Variants in MYLK observed in about 807,000 individuals in gnomAD.
MYLK encodes myosin light chain kinase, smooth muscle.
MYLK carries 106 observed loss-of-function variants against 203.4 expected under a neutral mutation model. The observed-to-expected ratio is 0.52, with a 90% CI of 0.45 to 0.61. The LOEUF (loss-of-function observed/expected upper bound fraction) is 0.61. MYLK is among the 20% of genes least tolerant of loss of function. The pLI, the probability that MYLK is intolerant of heterozygous loss-of-function variation, is 0.00. For missense variants in MYLK, 2,072 were observed against 2,442.3 expected (o/e 0.85, Z 3.20); for synonymous variants, 867 against 959.5 (o/e 0.90, Z 1.78).
chr3:123,732,992 G>C lies in MYLK; in HGVS notation c.1420C>G (p.Leu474Val), dbSNP rs1413024663. Reference protein sequence around the residue: ...YEDAGSHYLCLLKARTRDSGT... With the variant: ...YEDAGSHYLCVLKARTRDSGT... ...CTGTCCCTGGTCCGGGCTTTCAGCA[G>C]GCAGAGGTAATGGGAGCCAGCATCT... Residue 474 changes from leucine (L) to valine (V), a missense_variant, in exon 11 of 34, where the codon CTG becomes GTG. Physicochemically the swap from Leu to Val is conservative, Grantham distance 32. Transcript: ENST00000360304. 3 of 1,614,234 alleles carry C rather than the reference G, an allele frequency of 1.9e-6. No homozygotes were observed. Among genetic ancestry groups the C allele is most frequent in the Non-Finnish European group, 1.7e-6 (2 of 1,180,044 alleles).
chr3:123,741,541 C>T lies in MYLK; in HGVS notation c.374-1540G>A, dbSNP rs537734464. 8.5e-5 allele frequency among the ~76,000 whole-genome samples: 13 copies of T among 152,344 alleles called. No homozygotes were observed. The South Asian group carries it at 2.7e-3, about 32-fold the overall frequency. ...CAAGATGCTGGGCCCTCAGATGCTG[C>T]TGGAGGCAGAGCCAACTGTCCAGTC... On this transcript the variant is annotated intron_variant, in intron 5 of 33. Transcript: ENST00000360304.
chr3:123,681,598 G>C (rs187128493), intron 20 of MYLK: 20 of 153,662 alleles, frequency 1.3e-4, no homozygotes, highest in African/African-American at 4.8e-4. Context: ...GCCAGAGAAG[G>C]CATGAAGGAA....
chr3:123,865,592 C>T (rs1424950891), intron 2 of MYLK, among the ~76,000 whole-genome samples: 4 of 152,226 alleles, frequency 2.6e-5, no homozygotes, highest in Non-Finnish European at 5.9e-5. Context: ...ACATGGCAGA[C>T]TCTGTCCTGA....
At chr3:123,728,154 T>C (rs2108766354) in intron 11 of MYLK, among the ~76,000 whole-genome samples, 1 of 152,278 alleles carries the variant, frequency 6.6e-6, no homozygotes, top group African/African-American at 2.4e-5. Context: ...AGCAACGGTT[T>C]CAGAATGCCA....
intron 27 of MYLK, among the ~76,000 whole-genome samples, chr3:123,643,757 GC>G (rs1218210163): frequency 1.3e-5 from 2 of 152,262 alleles, no homozygotes; most frequent in African/African-American, 4.8e-5. Context: ...CTAGACCTTG[GC>G]TAGCTCTCAT....
intron 15 of MYLK, 91 bp downstream of exon 15, chr3:123,708,607 T>G: frequency 6.8e-7 from 1 of 1,468,964 alleles, no homozygotes; most frequent in Non-Finnish European, 9.4e-7. Flanking sequence ...GGGAACAAAG[T>G]AGCCTCATGT....
At chr3:123,719,714 C>T (rs914542949) in intron 13 of MYLK, among the ~76,000 whole-genome samples, 8 of 152,182 alleles carry the variant, frequency 5.3e-5, no homozygotes, top group African/African-American at 1.9e-4. Flanking sequence ...ATCCATGCTC[C>T]CCACCGTGGC....
At chr3:123,785,228 G>A (rs1414644016) in intron 4 of MYLK, among the ~76,000 whole-genome samples, 1 of 152,304 alleles carries the variant, frequency 6.6e-6, no homozygotes, top group South Asian at 2.1e-4. Context: ...ATTCTCTTTG[G>A]ACTGCTTCAT....
rs551204823 is a variant in MYLK, at chr3:123,620,207, C to T, written c.5368G>A (p.Glu1790Lys). 4.3e-6 allele frequency: 7 copies of T among 1,613,808 alleles called. No individual in the cohort carries two copies. The East Asian group carries it at 1.3e-4, about 31-fold the overall frequency. Residue 1790 changes from glutamate to lysine, a missense_variant and splice_region_variant, in exon 32 of 34, where the codon GAA becomes AAA. Coordinates refer to ENST00000360304, the MANE Select transcript of MYLK (RefSeq NM_053025.4). ...PLNAEKLESEEDVSQAFLEAV... is the reference protein window; with the variant it reads ...PLNAEKLESEKDVSQAFLEAV... Reference sequence around the variant, plus strand: ...GCTGGCTGGAGAAACTCCTCCTTACCTTCAGATTCTAGTTTTTCTGCATTG... The same window carrying T: ...GCTGGCTGGAGAAACTCCTCCTTACTTTCAGATTCTAGTTTTTCTGCATTG...
At chr3:123,792,773 C>T (rs1576992129) in intron 4 of MYLK, among the ~76,000 whole-genome samples, 1 of 152,184 alleles carries the variant, frequency 6.6e-6, no homozygotes, top group Admixed American at 6.5e-5. Flanking sequence ...CAGAGAGAAA[C>T]AGACTCCTCA....
At chr3:123,764,286 T>C in intron 4 of MYLK, among the ~76,000 whole-genome samples, 1 of 152,124 alleles carries the variant, frequency 6.6e-6, no homozygotes, top group East Asian at 1.9e-4. Flanking sequence ...TACTGATTTT[T>C]CCTGTATGTA....
rs1269830075 is a variant in MYLK, at chr3:123,849,293, T to C, written c.-126-17623A>G. ...CTGACCTCAACTTATTTTTCATATG[T>C]TAAATGTTTCATAAATGCATTTAAG... On this transcript the variant is annotated intron_variant, in intron 2 of 33. Coordinates refer to ENST00000360304, the MANE Select transcript of MYLK (RefSeq NM_053025.4). Among the ~76,000 whole-genome samples the C allele has an allele frequency of 3.3e-5, 5 of 152,190 alleles. No individual in the cohort carries two copies. The East Asian group carries it at 9.6e-4, about 29-fold the overall frequency.
intron 2 of MYLK, among the ~76,000 whole-genome samples, chr3:123,875,063 A>T (rs1027505412): frequency 6.6e-6 from 1 of 152,174 alleles, no homozygotes; most frequent in Non-Finnish European, 1.5e-5. Flanking sequence ...ACTTTGGAAA[A>T]CAGTTTGGTA....
At chr3:123,624,252 G>A (rs547502800) in intron 31 of MYLK, 2 of 151,344 alleles carry the variant, frequency 1.3e-5, no homozygotes, top group African/African-American at 4.9e-5. Flanking sequence ...TTGAGCCCAC[G>A]AGGTTGAGAC....
chr3:123,729,459 A>G (rs902599574), intron 11 of MYLK, among the ~76,000 whole-genome samples: 7 of 152,380 alleles, frequency 4.6e-5, no homozygotes, highest in Non-Finnish European at 7.3e-5. Context: ...AACAATAAAA[A>G]AGTAAATGAT....
chr3:123,643,692 T>C (rs1487628912), intron 27 of MYLK, among the ~76,000 whole-genome samples: 1 of 152,192 alleles, frequency 6.6e-6, no homozygotes, highest in East Asian at 1.9e-4. Flanking sequence ...AGTGAGTGAA[T>C]GACTAAATAA....
At chr3:123,719,798 G>A (rs1265671987) in intron 13 of MYLK, among the ~76,000 whole-genome samples, 1 of 152,210 alleles carries the variant, frequency 6.6e-6, no homozygotes, top group Non-Finnish European at 1.5e-5. Flanking sequence ...CATCAGTGCA[G>A]TAGGGAACAA....
At position 123,664,109 on chromosome 3, in the gene MYLK, G is replaced by T; in HGVS notation, c.3981C>A (p.Val1327=). 3 of 1,613,980 alleles carry T rather than the reference G, an allele frequency of 1.9e-6. No individual in the cohort carries two copies. The highest frequency in any genetic ancestry group is 2.2e-5 in the East Asian group (1 of 44,864). ...CCACCCAGCCACCAGACTCACCCACGACAGTGAGGTTGACCTGGGCCTGCC... is the reference window on the plus strand; with the variant it reads ...CCACCCAGCCACCAGACTCACCCACTACAGTGAGGTTGACCTGGGCCTGCC... ...GSRQAQVNLT[V]VDKPDPPAGT... is the part of the protein sequence containing the mutation. Residue 1327 remains valine, a synonymous_variant, in exon 23 of 34, where the codon GTC becomes GTA. Transcript: ENST00000360304.
chr3:123,673,793 T>C lies in MYLK; in HGVS notation c.3653-6606A>G, dbSNP rs150385522. Among the ~76,000 whole-genome samples, 1,110 of 152,270 alleles carry C rather than the reference T, an allele frequency of 7.3e-3. 39 individuals are homozygous for C. Among genetic ancestry groups the C allele is most frequent in the Admixed American group, 0.062 (955 of 15,292 alleles). On this transcript the variant is annotated intron_variant, in intron 20 of 33. Transcript: ENST00000360304. ...TGTACCAGCCAGTCAGAGAGGAACA[T>C]CCTAGAAGGAAAATAAAACCCATCC...
Sources: allele counts gnomAD v4.1 joint callset (sites outside exome capture counted in the v4.1 genomes callset), GRCh38; gene constraint gnomAD v4.1.1; transcripts MANE v1.5; gene names NCBI Gene and HGNC (gene_info 2026-07-23, HGNC 2026-07-21).